The following VPS13C variants were observed in gnomAD, a reference collection of about 807,000 sequenced individuals.
VPS13C encodes vacuolar protein sorting 13 homolog C, also known as intermembrane lipid transfer protein VPS13C.
In VPS13C, 358 loss-of-function variants were observed where a neutral mutation model predicts 456.8. The observed-to-expected ratio is 0.78, with a 90% CI of 0.72 to 0.86. The LOEUF (loss-of-function observed/expected upper bound fraction) is 0.86. VPS13C is among the 40% of genes least tolerant of loss of function. The probability of loss-of-function intolerance (pLI) is 0.00; values close to 1 mark genes in which losing one functional copy is unlikely to be tolerated. For synonymous variants in VPS13C, 1,578 were observed against 1,486.7 expected (o/e 1.06, Z -1.41); for missense variants, 4,818 against 4,385.4 (o/e 1.10, Z -2.79).
intron 82 of VPS13C, among the ~76,000 whole-genome samples, chr15:61,860,953 C>CTTTT (rs781045840): frequency 6.9e-4 from 62 of 89,678 alleles, no homozygotes; most frequent in Admixed American, 1.2e-3. Flanking sequence ...TATTTTCTTT[C>CTTTT]TTTTTTTTTT....
chr15:61,852,855 A>G lies in VPS13C; in HGVS notation c.*1602T>C, dbSNP rs1186747366. ...CATTCTCTTTTTAGAATATACATTA[A>G]GTAACACTAGTAAAATTTAAAGTTT... On this transcript the variant is annotated 3_prime_UTR_variant, in exon 85 of 85. Transcript: ENST00000644861. The G allele has an allele frequency of 6.6e-6, 1 of 152,202 alleles. No homozygotes were observed. Among genetic ancestry groups the G allele is most frequent in the African/African-American group, 2.4e-5 (1 of 41,458 alleles). The allele number at this position is 152,202 out of a possible 1,614,324, so 9.4% of individuals were successfully genotyped here. A position where few individuals can be genotyped will look rare whatever the true frequency, so the allele number is the denominator to read the frequency against.
Position 61,936,562 on chromosome 15 carries a change from T to G in VPS13C, c.5755+35A>C, listed in dbSNP as rs193127538. On this transcript the variant is annotated intron_variant, in intron 48 of 84. Transcript: ENST00000644861. ...ATATAAATATGACATTAACACCAATTTTTTCTCCATAAAGTAAATATCATC... is the reference window on the plus strand; with the variant it reads ...ATATAAATATGACATTAACACCAATGTTTTCTCCATAAAGTAAATATCATC... 121 of 1,496,476 alleles carry G rather than the reference T, an allele frequency of 8.1e-5. No individual in the cohort carries two copies. The Admixed American group carries it at 2.8e-3, about 35-fold the overall frequency. The allele number at this position is 1,496,476 out of a possible 1,614,324, so 92.7% of individuals were successfully genotyped here. A position where few individuals can be genotyped will look rare whatever the true frequency, so the allele number is the denominator to read the frequency against.
intron 66 of VPS13C, among the ~76,000 whole-genome samples, chr15:61,900,892 G>T (rs1237128908): frequency 6.6e-6 from 1 of 151,388 alleles, no homozygotes; most frequent in Non-Finnish European, 1.5e-5. Flanking sequence ...AAACAGCATG[G>T]TACTGGTACC....
Position 61,978,695 on chromosome 15 carries a change from T to C in VPS13C, c.2221A>G (p.Ile741Val). ...AACTTGTCATATGCCTTATCCATTA[T>C]TTCTTCCAGAGATGAATTAGTAGTC... ...QKTTNSSLEE[I>V]MDKAYDKFDV... The change falls in exon 23 of 85, where the codon ATA becomes GTA. Residue 741 changes from isoleucine to valine, a missense_variant. This residue lies in a region of VPS13C where 4,552 missense variants were observed against 4,130.6 expected (regional missense o/e 1.10). Transcript: ENST00000644861. The C allele has an allele frequency of 6.2e-7, 1 of 1,612,914 alleles. No individual in the cohort carries two copies. Among genetic ancestry groups the C allele is most frequent in the Non-Finnish European group, 8.5e-7 (1 of 1,179,562 alleles).
intron 73 of VPS13C, among the ~76,000 whole-genome samples, chr15:61,879,847 A>C (rs1316561686): frequency 1.3e-5 from 2 of 152,228 alleles, no homozygotes; most frequent in Non-Finnish European, 2.9e-5. Flanking sequence ...TGATATCACC[A>C]AACTAATAGA....
At chr15:61,901,664 G>C (rs2043001148) in intron 66 of VPS13C, among the ~76,000 whole-genome samples, 1 of 151,888 alleles carries the variant, frequency 6.6e-6, no homozygotes, top group Non-Finnish European at 1.5e-5. Context: ...ACTGTTGGTG[G>C]GACTGTAAAC....
intron 16 of VPS13C, among the ~76,000 whole-genome samples, chr15:61,996,976 G>T (rs2046405344): frequency 7.2e-6 from 1 of 139,548 alleles, no homozygotes; most frequent in African/African-American, 3.0e-5. Flanking sequence ...TTTCATCCTT[G>T]CCTATATATT....
At chr15:62,037,245 T>TATA (rs2140674257) in intron 3 of VPS13C, among the ~76,000 whole-genome samples, 1 of 27,424 alleles carries the variant, frequency 3.6e-5, no homozygotes, top group South Asian at 7.0e-4. Flanking sequence ...TAAATATATA[T>TATA]AATATATTTA....
At chr15:61,906,831 A>G (rs1013004137) in intron 66 of VPS13C, 3 of 169,948 alleles carry the variant, frequency 1.8e-5, no homozygotes, top group African/African-American at 4.8e-5. Context: ...ATATTTCACT[A>G]AATTTCTTAC....
chr15:61,961,506 T>C (rs988745698), intron 35 of VPS13C, 83 bp downstream of exon 35: 4 of 1,327,238 alleles, frequency 3.0e-6, no homozygotes, highest in Non-Finnish European at 4.1e-6. Flanking sequence ...GAATAAACTG[T>C]GTTGGGTAGG....
At chr15:62,036,075 A>C (rs2047990175) in intron 3 of VPS13C, among the ~76,000 whole-genome samples, 1 of 151,936 alleles carries the variant, frequency 6.6e-6, no homozygotes, top group African/African-American at 2.4e-5. Context: ...ATTCTATCCA[A>C]ACCTTTCCTA....
intron 58 of VPS13C, 127 bp from the exon 59 acceptor site, chr15:61,918,384 G>T: frequency 1.1e-6 from 1 of 885,628 alleles, no homozygotes; most frequent in Non-Finnish European, 1.6e-6. Flanking sequence ...TATTTTTATT[G>T]GCAATTGAAA....
intron 27 of VPS13C, among the ~76,000 whole-genome samples, chr15:61,971,061 C>T (rs1176547491): frequency 1.3e-5 from 2 of 151,934 alleles, no homozygotes; most frequent in Non-Finnish European, 2.9e-5. Context: ...TGATCAATAC[C>T]TATTGAAGGG....
chr15:62,018,767 G>C (rs1221468894), intron 9 of VPS13C, among the ~76,000 whole-genome samples: 1 of 152,088 alleles, frequency 6.6e-6, no homozygotes, highest in African/African-American at 2.4e-5. Flanking sequence ...TTGTGTCTCT[G>C]CCAGGCTTTG....
intron 65 of VPS13C, among the ~76,000 whole-genome samples, chr15:61,908,213 C>G (rs1265441495): frequency 6.6e-6 from 1 of 152,038 alleles, no homozygotes; most frequent in African/African-American, 2.4e-5. Context: ...AGTAATCCAA[C>G]TAGGTTTTAA....
At chr15:61,963,583 G>A (rs1185461715) in intron 32 of VPS13C, among the ~76,000 whole-genome samples, 1 of 151,948 alleles carries the variant, frequency 6.6e-6, no homozygotes, top group East Asian at 1.9e-4. Context: ...ATTGACATCA[G>A]TATCCCTTTT....
rs1317523564 is a variant in VPS13C, at chr15:62,037,223, ATATAT to A, written c.188-2176_188-2172del. 4.1e-4 allele frequency among the ~76,000 whole-genome samples: 33 copies of A among 81,430 alleles called. 1 individual carries two copies. Among genetic ancestry groups the A allele is most frequent in the Middle Eastern group, 5.2e-3 (1 of 192 alleles). 53.4% of individuals were successfully genotyped at this position (81,430 alleles called of 152,430 possible). A position where few individuals can be genotyped will look rare whatever the true frequency, so the allele number is the denominator to read the frequency against. ...ATATAATATATAAATATATTATATA[ATATAT>A]TATATATAAATATATATAATATATT... On this transcript the variant is annotated intron_variant, in intron 3 of 84. Transcript: ENST00000644861.
At chr15:62,026,457 G>C (rs1232421528) in intron 6 of VPS13C, among the ~76,000 whole-genome samples, 3 of 152,042 alleles carry the variant, frequency 2.0e-5, no homozygotes, top group Non-Finnish European at 4.4e-5. Flanking sequence ...TCGATCTCAA[G>C]TTGGCAAATA....
intron 41 of VPS13C, 23 bp downstream of exon 41, chr15:61,950,335 A>C: frequency 6.3e-7 from 1 of 1,584,860 alleles, no homozygotes; most frequent in Non-Finnish European, 8.7e-7. Context: ...ACCCAACCTT[A>C]TAGCAAATTA....
Sources: allele counts gnomAD v4.1 joint callset (sites outside exome capture counted in the v4.1 genomes callset), GRCh38; gene constraint gnomAD v4.1.1; regional missense constraint gnomAD v4.1.1; transcripts MANE v1.5; gene names NCBI Gene and HGNC (gene_info 2026-07-23, HGNC 2026-07-21).